TBC1D16: variants seen among roughly 807,000 people sequenced by gnomAD.
TBC1D16 encodes TBC1 domain family member 16.
TBC1D16 carries 58 observed loss-of-function variants against 74.7 expected under a neutral mutation model. The observed-to-expected ratio is 0.78, with a 90% CI of 0.63 to 0.97. The LOEUF (loss-of-function observed/expected upper bound fraction) is 0.97, where lower values mean the gene tolerates loss of function less well. Ranked by LOEUF, TBC1D16 falls within the 50% of genes least tolerant of loss-of-function variation. The pLI, the probability that TBC1D16 is intolerant of heterozygous loss-of-function variation, is 0.00. For synonymous variants in TBC1D16, 493 were observed against 474.7 expected (o/e 1.04, Z -0.50); for missense variants, 1,014 against 1,079.5 (o/e 0.94, Z 0.85).
chr17:80,012,937 GCAGCCGAGAGTCGCT>G (rs1236871922), intron 2 of TBC1D16, among the ~76,000 whole-genome samples: 1 of 152,164 alleles, frequency 6.6e-6, no homozygotes, highest in Non-Finnish European at 1.5e-5. Context: ...CTGGCACTGT[GCAGCCGAGAGTCGCT>G]CAGCCTCTCT....
intron 1 of TBC1D16, among the ~76,000 whole-genome samples, chr17:80,026,368 T>A (rs1340651154): frequency 6.7e-6 from 1 of 149,976 alleles, no homozygotes; most frequent in African/African-American, 2.5e-5. Flanking sequence ...GAGGTGGCAG[T>A]GAGCCAAGAT....
chr17:79,947,651 T>C lies in TBC1D16; in HGVS notation c.1722A>G (p.Lys574=), dbSNP rs1472105215. The change falls in exon 9 of 12, where the codon AAA becomes AAG. Residue 574 remains lysine (K), a synonymous_variant. Transcript: ENST00000310924. ...VSSPRDEDME[K]QLLYLRELLR... ...CCATCCCCCTGAGCCTCACCAGTTG[T>C]TTCTCCATGTCCTCGTCCCGGGGTG... The C allele has an allele frequency of 1.2e-6, 2 of 1,614,060 alleles. No homozygotes were observed. Among genetic ancestry groups the C allele is most frequent in the African/African-American group, 1.3e-5 (1 of 75,060 alleles).
chr17:79,959,131 A>C (rs762884601), intron 3 of TBC1D16, among the ~76,000 whole-genome samples: 3 of 152,246 alleles, frequency 2.0e-5, no homozygotes, highest in Non-Finnish European at 2.9e-5. Flanking sequence ...AATAAATAAA[A>C]CATTAAATTT....
chr17:79,993,809 G>C lies in TBC1D16; in HGVS notation c.779+16351C>G, dbSNP rs1277604975. ...CAGGGCTGTTGATGCAAGAGCTGGG[G>C]CTCGGGAGCCTCCCAAGGGCAGCTC... On this transcript the variant is annotated intron_variant, in intron 3 of 11. Transcript: ENST00000310924. This position sits in a 1 kb window ranked among gnomAD's most constrained non-coding sequence, Gnocchi z 5.1. Among the ~76,000 whole-genome samples, 1 of 152,112 alleles carries C rather than the reference G, an allele frequency of 6.6e-6. No individual in the cohort carries two copies. The highest frequency in any genetic ancestry group is 2.4e-5 in the African/African-American group (1 of 41,420).
In TBC1D16 at chr17:79,944,081, G is replaced by C. The variant is rs569470608; in HGVS notation, c.1908+827C>G. ...GTGGTACCGGCACTCGGTGGCTTCA[G>C]ACTCGCTTTCATCAGACATCAGCCC... On this transcript the variant is annotated intron_variant, in intron 10 of 11. Transcript: ENST00000310924. This position sits in a 1 kb window ranked among gnomAD's most constrained non-coding sequence, Gnocchi z 7.7. 1 of 1,536,058 alleles carries C rather than the reference G, an allele frequency of 6.5e-7. No homozygotes were observed. Among genetic ancestry groups the C allele is most frequent in the Non-Finnish European group, 8.7e-7 (1 of 1,146,886 alleles).
Position 80,035,336 on chromosome 17 carries a change from G to C in TBC1D16, c.-63+459C>G, listed in dbSNP as rs1366440616. 6.6e-6 allele frequency among the ~76,000 whole-genome samples: 1 copy of C among 151,550 alleles called. No homozygotes were observed. The highest frequency in any genetic ancestry group is 1.5e-5 in the Non-Finnish European group (1 of 67,948). ...TTAAACAGCCCAGACCACCAAGCCC[G>C]ACAGGCCGGGAAAGCTGAGCGCGCG... is the stretch of plus-strand genomic sequence containing the variant. On this transcript the variant is annotated intron_variant, in intron 1 of 11. Transcript: ENST00000310924. This position sits in a 1 kb window ranked among gnomAD's most constrained non-coding sequence, Gnocchi z 5.3.
At chr17:79,953,775 T>C (rs538931085) in intron 3 of TBC1D16, among the ~76,000 whole-genome samples, 1 of 152,260 alleles carries the variant, frequency 6.6e-6, no homozygotes, top group African/African-American at 2.4e-5. Flanking sequence ...TTTTTTCTTT[T>C]TTTTTTCTTT....
intron 3 of TBC1D16, among the ~76,000 whole-genome samples, chr17:79,955,483 T>C (rs2033293646): frequency 1.3e-5 from 2 of 152,246 alleles, no homozygotes; most frequent in African/African-American, 4.8e-5. Context: ...GAAAATAAAC[T>C]ACAGGGAAAA....
rs938369592 is a variant in TBC1D16, at chr17:79,994,016, C to T, written c.779+16144G>A. ...GACAGCCCTCCTGATGCAGGGAGCG[C>T]CCATCCCTGGGGAGCACTGCCTCTC... On this transcript the variant is annotated intron_variant, in intron 3 of 11. Coordinates refer to ENST00000310924, the MANE Select transcript of TBC1D16 (RefSeq NM_019020.4). The surrounding 1 kb of genome is among the most constrained non-coding windows in gnomAD (Gnocchi z 4.6). 5.3e-5 allele frequency among the ~76,000 whole-genome samples: 8 copies of T among 152,138 alleles called. No homozygotes were observed. The highest frequency in any genetic ancestry group is 1.9e-4 in the African/African-American group (8 of 41,408).
Position 80,010,626 on chromosome 17 carries a change from C to A in TBC1D16, c.313G>T (p.Val105Phe). Residue 105 changes from valine to phenylalanine, a missense_variant, in exon 3 of 12, where the codon GTT (valine) becomes TTT (phenylalanine). Val to Phe is a conservative substitution (Grantham distance 50). Transcript: ENST00000310924. The surrounding 1 kb of genome is among the most constrained non-coding windows in gnomAD (Gnocchi z 8.8). ...LRYITPESSP[V>F]RKAPRPRGRR... ...CCCCGAGGGCGGGGTGCCTTGCGAA[C>A]GGGGGAGCTCTCGGGTGTGATGTAG... The A allele has an allele frequency of 1.9e-6, 3 of 1,575,986 alleles. No homozygotes were observed. The highest frequency in any genetic ancestry group is 1.7e-6 in the Non-Finnish European group (2 of 1,163,904).
Position 79,951,342 on chromosome 17 carries a change from G to C in TBC1D16, c.1089+108C>G. On this transcript the variant is annotated intron_variant, in intron 5 of 11. Coordinates refer to ENST00000310924, the MANE Select transcript of TBC1D16 (RefSeq NM_019020.4). ...AACTACCGTGGGTCACACCCCGTAA[G>C]CCCCCGGGGCCCGGGGACCCCAGAC... 14 of 1,382,072 alleles carry C rather than the reference G, an allele frequency of 1.0e-5. No individual in the cohort carries two copies. The South Asian group carries it at 1.9e-4, about 19-fold the overall frequency. 85.6% of individuals were successfully genotyped at this position (1,382,072 alleles called of 1,614,324 possible).
chr17:79,937,552 C>A lies in TBC1D16; in HGVS notation c.*3307G>T, dbSNP rs994763202. 1 of 152,360 alleles carries A rather than the reference C, an allele frequency of 6.6e-6. No homozygotes were observed. Among genetic ancestry groups the A allele is most frequent in the African/African-American group, 2.4e-5 (1 of 41,466 alleles). The allele number at this position is 152,360 out of a possible 1,614,324, so 9.4% of individuals were successfully genotyped here. On this transcript the variant is annotated 3_prime_UTR_variant, in exon 12 of 12. Coordinates refer to ENST00000310924, the MANE Select transcript of TBC1D16 (RefSeq NM_019020.4). ...GGCTGCTCATGGAGCTGCCCTCCCACCTTCAGACCCTCCTCCTCCCCCGCA... is the reference window on the plus strand; with the variant it reads ...GGCTGCTCATGGAGCTGCCCTCCCAACTTCAGACCCTCCTCCTCCCCCGCA...
Position 79,950,479 on chromosome 17 carries a change from C to T in TBC1D16, c.1189G>A (p.Gly397Ser), listed in dbSNP as rs375899999. Residue 397 changes from glycine to serine, a missense_variant, in exon 6 of 12, where the codon GGC (glycine) becomes AGC (serine). Physicochemically the swap from Gly to Ser is moderately conservative, Grantham distance 56. Coordinates refer to ENST00000310924, the MANE Select transcript of TBC1D16 (RefSeq NM_019020.4). The surrounding 1 kb of genome is among the most constrained non-coding windows in gnomAD (Gnocchi z 4.6). ...AGGTGGTTGAGCCAGGCGGAGACGCCGAGCCTCTTGTACATGCTCTCCTCG... is the reference window on the plus strand; with the variant it reads ...AGGTGGTTGAGCCAGGCGGAGACGCTGAGCCTCTTGTACATGCTCTCCTCG... ...HPEESMYKRL[G>S]VSAWLNHLNE... 6.2e-7 allele frequency: 1 copy of T among 1,612,892 alleles called. No homozygotes were observed. The highest frequency in any genetic ancestry group is 8.5e-7 in the Non-Finnish European group (1 of 1,179,828).
intron 2 of TBC1D16, among the ~76,000 whole-genome samples, chr17:80,012,617 C>T (rs2035936140): frequency 6.6e-6 from 1 of 151,966 alleles, no homozygotes; most frequent in South Asian, 2.1e-4. Flanking sequence ...AACTCTGTTG[C>T]CCAGGCTGGT....
chr17:79,978,991 C>T (rs550283896), intron 3 of TBC1D16, among the ~76,000 whole-genome samples: 2 of 152,306 alleles, frequency 1.3e-5, no homozygotes, highest in South Asian at 2.1e-4. Flanking sequence ...GGGAAGAAAA[C>T]AGCCAAGAGA....
At chr17:79,947,398 G>A (rs766757643) in intron 9 of TBC1D16, among the ~76,000 whole-genome samples, 24 of 152,174 alleles carry the variant, frequency 1.6e-4, no homozygotes, top group Non-Finnish European at 3.2e-4. Context: ...ACGTGCAGGG[G>A]TGGAAGGCCA....
rs756183032 is a variant in TBC1D16 at position 80,007,538 on chromosome 17, C to T, written c.779+2622G>A. Among the ~76,000 whole-genome samples, 4 of 152,306 alleles carry T rather than the reference C, an allele frequency of 2.6e-5. No individual in the cohort carries two copies. Among genetic ancestry groups the T allele is most frequent in the East Asian group, 1.9e-4 (1 of 5,176 alleles). The stretch of plus-strand genomic sequence containing the variant: ...GGGGACGGACAGGCGGACAGGGTGT[C>T]TCAGTGGGGACTCGAGTGTCAGAGC... On this transcript the variant is annotated intron_variant, in intron 3 of 11. Coordinates refer to ENST00000310924, the MANE Select transcript of TBC1D16 (RefSeq NM_019020.4). The surrounding 1 kb of genome is among the most constrained non-coding windows in gnomAD (Gnocchi z 4.5).
rs747087052 is a variant in TBC1D16, at chr17:80,010,655, A to G, written c.284T>C (p.Leu95Pro). ...GGAGCTCTCGGGTGTGATGTAGCGCAGGGCCTCCTCGTCCTGCCTCTGGAT... is the reference window on the plus strand; with the variant it reads ...GGAGCTCTCGGGTGTGATGTAGCGCGGGGCCTCCTCGTCCTGCCTCTGGAT... ...SRIQRQDEEA[L>P]RYITPESSPV... is the part of the protein sequence containing the mutation. Residue 95 changes from leucine (L) to proline (P), a missense_variant, in exon 3 of 12, where the codon CTG becomes CCG. Physicochemically the swap from Leu to Pro is moderately conservative, Grantham distance 98. Transcript: ENST00000310924. The surrounding 1 kb of genome is among the most constrained non-coding windows in gnomAD (Gnocchi z 8.8). 1.9e-5 allele frequency: 29 copies of G among 1,547,814 alleles called. No homozygotes were observed. The highest frequency in any genetic ancestry group is 2.8e-5 in the African/African-American group (2 of 72,594).
At chr17:80,013,211 C>T (rs889398241) in intron 2 of TBC1D16, among the ~76,000 whole-genome samples, 156 bp downstream of exon 2, 1 of 152,240 alleles carries the variant, frequency 6.6e-6, no homozygotes, top group African/African-American at 2.4e-5. Context: ...TAACACCCCC[C>T]AGACCCTCCT....
Sources: gnomAD v4.1 joint callset for allele counts (sites outside exome capture counted in the v4.1 genomes callset) on GRCh38, gnomAD v4.1.1 for gene constraint, Gnocchi (gnomAD v3.1) non-coding constraint, MANE v1.5 for transcripts, NCBI Gene and HGNC (gene_info 2026-07-23, HGNC 2026-07-21) for gene names.